KIFAP3: variants seen among roughly 807,000 people sequenced by gnomAD.
The protein encoded by KIFAP3 is kinesin associated protein 3, also known as kinesin-associated protein 3.
A neutral mutation model predicts 106.5 loss-of-function variants in KIFAP3; 68 were observed. The ratio of observed to expected loss-of-function variants is 0.64; its 90% CI spans 0.53 to 0.78. The LOEUF (loss-of-function observed/expected upper bound fraction) is 0.78. Ranked by LOEUF, KIFAP3 falls within the 30% of genes least tolerant of loss-of-function variation. The pLI is 0.00. For synonymous variants in KIFAP3, 320 were observed against 311.5 expected, an observed-to-expected ratio of 1.03 and a Z score of -0.29; for missense variants, 780 against 941.8, an observed-to-expected ratio of 0.83 and a Z score of 2.25.
chr1:170,053,492 T>C (rs1209288966), intron 2 of KIFAP3, among the ~76,000 whole-genome samples: 2 of 151,596 alleles, frequency 1.3e-5, no homozygotes, highest in Non-Finnish European at 1.5e-5. Context: ...TTAAATTTCA[T>C]ATGGAACAAA....
chr1:170,039,936 T>C (rs1669887300), intron 3 of KIFAP3, among the ~76,000 whole-genome samples: 1 of 152,104 alleles, frequency 6.6e-6, no homozygotes, highest in Non-Finnish European at 1.5e-5. Flanking sequence ...ATAATTTCAT[T>C]TTTTAACAAA....
At chr1:169,971,925 G>A (rs1411337060) in intron 17 of KIFAP3, among the ~76,000 whole-genome samples, 1 of 151,888 alleles carries the variant, frequency 6.6e-6, no homozygotes, top group African/African-American at 2.4e-5. Flanking sequence ...ACTGTGGTAG[G>A]CAGCAAAATT....
At chr1:169,979,183 C>T (rs184625478) in intron 15 of KIFAP3, among the ~76,000 whole-genome samples, 13 of 152,100 alleles carry the variant, frequency 8.5e-5, no homozygotes, top group African/African-American at 2.9e-4. Flanking sequence ...ACAGCAATTC[C>T]AGGATGCAGG....
At chr1:170,007,309 C>A (rs549385005) in intron 10 of KIFAP3, among the ~76,000 whole-genome samples, 3 of 149,980 alleles carry the variant, frequency 2.0e-5, no homozygotes, top group African/African-American at 7.4e-5. Flanking sequence ...AAGAGGGAGA[C>A]AGAGAGGGAG....
At chr1:169,942,917 C>CCT (rs1553273135) in intron 19 of KIFAP3, among the ~76,000 whole-genome samples, 6 of 106,300 alleles carry the variant, frequency 5.6e-5, no homozygotes, top group African/African-American at 2.1e-4. Context: ...GACGCCCCCC[C>CCT]CCACCCCTTT....
intron 19 of KIFAP3, among the ~76,000 whole-genome samples, chr1:169,941,435 T>C (rs558916360): frequency 3.9e-5 from 6 of 152,320 alleles, no homozygotes; most frequent in Admixed American, 3.3e-4. Context: ...CTTTTGGTTA[T>C]TGCTTTTATG....
intron 10 of KIFAP3, among the ~76,000 whole-genome samples, chr1:169,994,103 A>G (rs750605604): frequency 2.0e-5 from 3 of 151,940 alleles, no homozygotes; most frequent in Non-Finnish European, 2.9e-5. Flanking sequence ...CTATATATCA[A>G]GAGCCATGCT....
intron 3 of KIFAP3, among the ~76,000 whole-genome samples, chr1:170,045,146 C>T (rs1450534687): frequency 1.3e-5 from 2 of 152,184 alleles, no homozygotes; most frequent in Admixed American, 6.5e-5. Flanking sequence ...GACCAGACTG[C>T]TTTGAGGAGT....
chr1:170,008,142 G>A (rs955455008), intron 10 of KIFAP3, among the ~76,000 whole-genome samples: 3 of 151,546 alleles, frequency 2.0e-5, no homozygotes, highest in East Asian at 1.9e-4. Flanking sequence ...AGACTTAAAC[G>A]TAAGACCTAA....
chr1:169,974,829 C>T (rs192729569), intron 16 of KIFAP3, among the ~76,000 whole-genome samples: 104 of 151,892 alleles, frequency 6.8e-4, no homozygotes, highest in Non-Finnish European at 1.3e-3. Flanking sequence ...TTAAAATTCT[C>T]AAGGGGAATC....
At chr1:170,008,463 A>G (rs1305071548) in intron 10 of KIFAP3, among the ~76,000 whole-genome samples, 1 of 151,718 alleles carries the variant, frequency 6.6e-6, no homozygotes, top group Non-Finnish European at 1.5e-5. Context: ...GGAGAAAGAT[A>G]TGAATAGACA....
chr1:170,065,135 G>A (rs1389335520), intron 1 of KIFAP3, among the ~76,000 whole-genome samples: 1 of 152,108 alleles, frequency 6.6e-6, no homozygotes, highest in Non-Finnish European at 1.5e-5. Context: ...ATACTCCTCT[G>A]TAGTTTTTAC....
chr1:170,012,688 G>T (rs372426712), intron 10 of KIFAP3, among the ~76,000 whole-genome samples: 1 of 151,992 alleles, frequency 6.6e-6, no homozygotes. Flanking sequence ...CATCATGTAC[G>T]GGATTGGTGC....
chr1:169,976,548 T>C (rs955872283), intron 16 of KIFAP3, among the ~76,000 whole-genome samples: 3 of 152,204 alleles, frequency 2.0e-5, no homozygotes, highest in African/African-American at 7.2e-5. Flanking sequence ...TTTATCTTTC[T>C]GGGAAAGTCA....
At chr1:170,008,734 C>G (rs1476287594) in intron 10 of KIFAP3, among the ~76,000 whole-genome samples, 1 of 152,152 alleles carries the variant, frequency 6.6e-6, no homozygotes, top group African/African-American at 2.4e-5. Context: ...GATCCAGAAC[C>G]AGAAATAGCA....
At chr1:170,019,102 C>T (rs1374308786) in intron 9 of KIFAP3, among the ~76,000 whole-genome samples, 1 of 152,118 alleles carries the variant, frequency 6.6e-6, no homozygotes, top group Non-Finnish European at 1.5e-5. Context: ...CATCTGCTAA[C>T]ATACAAATGA....
chr1:170,043,965 A>C (rs1287074559), intron 3 of KIFAP3, among the ~76,000 whole-genome samples: 1 of 152,196 alleles, frequency 6.6e-6, no homozygotes, highest in East Asian at 1.9e-4. Context: ...AAACTGACCA[A>C]AAACTGCCTG....
chr1:169,940,296 A>T (rs1429545152), intron 19 of KIFAP3, among the ~76,000 whole-genome samples: 1 of 152,184 alleles, frequency 6.6e-6, no homozygotes, highest in Non-Finnish European at 1.5e-5. Flanking sequence ...TAGATAAGGG[A>T]TGTAATAAAT....
intron 17 of KIFAP3, among the ~76,000 whole-genome samples, chr1:169,970,655 T>C (rs60656459): frequency 0.043 from 6,542 of 152,110 alleles, 465 homozygotes; most frequent in African/African-American, 0.15. Flanking sequence ...TACTAGGAAA[T>C]CATTATCTAG....
Sources: gnomAD v4.1 joint callset for allele counts (sites outside exome capture counted in the v4.1 genomes callset) on GRCh38, gnomAD v4.1.1 for gene constraint, MANE v1.5 for transcripts, NCBI Gene and HGNC (gene_info 2026-07-23, HGNC 2026-07-21) for gene names.